Variants in PCDHA9 observed in about 807,000 individuals in gnomAD.
The protein encoded by PCDHA9 is protocadherin alpha-9.
Under a neutral mutation model 62.0 loss-of-function variants are expected in PCDHA9, and 62 were observed. That is an observed-to-expected ratio of 1.00 (90% confidence interval 0.81 to 1.23). The LOEUF (loss-of-function observed/expected upper bound fraction) is 1.23. PCDHA9 is among the 50% of genes most tolerant of loss of function. PCDHA9 has a pLI of 0.00. For synonymous variants in PCDHA9, 557 were observed against 567.6 expected (o/e 0.98, Z 0.27); for missense variants, 1,205 against 1,249.8 (o/e 0.96, Z 0.54).
Position 140,871,139 on chromosome 5 carries a change from C to T in PCDHA9, c.2394+20250C>T, listed in dbSNP as rs782085001. 8 of 1,613,312 alleles carry T rather than the reference C, an allele frequency of 5.0e-6. No individual in the cohort carries two copies. The African/African-American group carries it at 6.7e-5, about 13-fold the overall frequency. On this transcript the variant is annotated intron_variant, in intron 1 of 3. Coordinates refer to ENST00000532602, the MANE Select transcript of PCDHA9 (RefSeq NM_031857.2). ...AGCGGACAGGCGCCAAAGGCCTCTTCCCGGACTTTGGCGGGCGCCGCGAGC... is the reference window on the plus strand; with the variant it reads ...AGCGGACAGGCGCCAAAGGCCTCTTTCCGGACTTTGGCGGGCGCCGCGAGC...
At chr5:140,875,438 T>C (rs1554167643) in intron 1 of PCDHA9, 1 of 1,568,134 alleles carries the variant, frequency 6.4e-7, no homozygotes, top group Non-Finnish European at 8.6e-7. Flanking sequence ...CCCTTAAAAC[T>C]GATTGTCCCA....
Position 140,941,319 on chromosome 5 carries a change from C to CT in PCDHA9, c.2395-37615dup, listed in dbSNP as rs70988781. On this transcript the variant is annotated intron_variant, in intron 1 of 3. Transcript: ENST00000532602. Reference sequence around the variant, plus strand: ...TTCTTTCTTTCTTTTTCTTCTTTCTCTTTTTTTTTTTTTTTCAGATGGAGT... The same window carrying CT: ...TTCTTTCTTTCTTTTTCTTCTTTCTCTTTTTTTTTTTTTTTTCAGATGGAGT... Among the ~76,000 whole-genome samples the CT allele has an allele frequency of 1.3e-3, 140 of 104,384 alleles. 3 individuals are homozygous for CT. The highest frequency in any genetic ancestry group is 2.9e-3 in the South Asian group (9 of 3,126). The allele number at this position is 104,384 out of a possible 152,430, so 68.5% of individuals were successfully genotyped here.
intron 1 of PCDHA9, among the ~76,000 whole-genome samples, chr5:140,965,764 A>G (rs2095932618): frequency 6.6e-6 from 1 of 152,258 alleles, no homozygotes; most frequent in Non-Finnish European, 1.5e-5. Flanking sequence ...AATGGGTCAA[A>G]TAATAGATTT....
intron 1 of PCDHA9, among the ~76,000 whole-genome samples, chr5:140,873,090 T>G (rs540850056): frequency 6.6e-6 from 1 of 152,198 alleles, no homozygotes; most frequent in Non-Finnish European, 1.5e-5. Context: ...CCCCCCCGTA[T>G]AGAGGCATAA....
rs2098421681 is a variant in PCDHA9, at chr5:141,011,735, A to C, written c.*1798A>C. 1 of 153,882 alleles carries C rather than the reference A, an allele frequency of 6.5e-6. No individual in the cohort carries two copies. Among genetic ancestry groups the C allele is most frequent in the South Asian group, 2.1e-4 (1 of 4,828 alleles). 9.5% of individuals were successfully genotyped at this position (153,882 alleles called of 1,614,324 possible). A position where few individuals can be genotyped will look rare whatever the true frequency, so the allele number is the denominator to read the frequency against. ...TATTCCATGAGGGTGTGCAAGCACA[A>C]ATTTTACCAATCTGACCTCTTTGAA... On this transcript the variant is annotated 3_prime_UTR_variant, in exon 4 of 4. Transcript: ENST00000532602.
chr5:140,900,831 T>G (rs1554189475), intron 1 of PCDHA9, among the ~76,000 whole-genome samples: 1 of 152,198 alleles, frequency 6.6e-6, no homozygotes, highest in Non-Finnish European at 1.5e-5. Context: ...CCACCAACAA[T>G]GTACAAAGTT....
intron 1 of PCDHA9, among the ~76,000 whole-genome samples, chr5:140,970,048 G>T (rs561588022): frequency 6.6e-6 from 1 of 152,296 alleles, no homozygotes; most frequent in African/African-American, 2.4e-5. Flanking sequence ...TTGTCTGGTT[G>T]GTCCAGGGAG....
At position 140,984,181 on chromosome 5, in the gene PCDHA9, C is replaced by T. The variant is rs995252456; in HGVS notation, c.2542+1618C>T. Among the ~76,000 whole-genome samples, 5 of 152,210 alleles carry T rather than the reference C, an allele frequency of 3.3e-5. No individual in the cohort carries two copies. In the East Asian group the frequency reaches 9.6e-4, roughly 29 times the overall value. Reference sequence around the variant, plus strand: ...ACTTCCCAAAGAAGCCACGTGAAATCATGACTTTCTACCTTGCCTTTATTT... The same window carrying T: ...ACTTCCCAAAGAAGCCACGTGAAATTATGACTTTCTACCTTGCCTTTATTT... On this transcript the variant is annotated intron_variant, in intron 3 of 3. Coordinates refer to ENST00000532602, the MANE Select transcript of PCDHA9 (RefSeq NM_031857.2).
intron 3 of PCDHA9, among the ~76,000 whole-genome samples, chr5:141,003,860 G>T (rs1224171720): frequency 6.6e-6 from 1 of 152,136 alleles, no homozygotes; most frequent in African/African-American, 2.4e-5. Flanking sequence ...ATTTATATGT[G>T]TCTGAAATCC....
intron 1 of PCDHA9, among the ~76,000 whole-genome samples, chr5:140,874,298 G>T (rs887601408): frequency 1.3e-5 from 2 of 152,114 alleles, no homozygotes; most frequent in African/African-American, 2.4e-5. Context: ...ATGTGTACTT[G>T]TTCACAATGA....
intron 1 of PCDHA9, among the ~76,000 whole-genome samples, chr5:140,934,783 A>C (rs2090034582): frequency 6.6e-6 from 1 of 152,180 alleles, no homozygotes; most frequent in Non-Finnish European, 1.5e-5. Context: ...GGCCCAATCC[A>C]TGTCAATTAT....
chr5:140,874,465 T>C (rs1554167224), intron 1 of PCDHA9, among the ~76,000 whole-genome samples: 1 of 152,184 alleles, frequency 6.6e-6, no homozygotes. Flanking sequence ...TAGGGGAAGA[T>C]TTAGAGAAAA....
At chr5:140,983,807 G>GT (rs1418454252) in intron 3 of PCDHA9, among the ~76,000 whole-genome samples, 1 of 152,100 alleles carries the variant, frequency 6.6e-6, no homozygotes, top group East Asian at 1.9e-4. Flanking sequence ...TGTGTAAAAG[G>GT]TTTTTTCCCA....
chr5:140,941,647 C>T (rs1435033243), intron 1 of PCDHA9, among the ~76,000 whole-genome samples: 2 of 152,002 alleles, frequency 1.3e-5, no homozygotes, highest in South Asian at 2.1e-4. Flanking sequence ...CTTCCTACAA[C>T]TTATGTCCAA....
At chr5:140,927,201 C>T (rs1330352185) in intron 1 of PCDHA9, 7 of 1,614,032 alleles carry the variant, frequency 4.3e-6, no homozygotes, top group Non-Finnish European at 5.1e-6. Flanking sequence ...TGCTCGAGGA[C>T]CCGCTGGAGC....
chr5:140,962,329 T>A (rs1341757607), intron 1 of PCDHA9, among the ~76,000 whole-genome samples: 1 of 152,250 alleles, frequency 6.6e-6, no homozygotes, highest in Non-Finnish European at 1.5e-5. Context: ...TTGAGAATAC[T>A]GATAAAGAAG....
chr5:140,875,349 C>T lies in PCDHA9; in HGVS notation c.2394+24460C>T, dbSNP rs113418307. The T allele has an allele frequency of 9.7e-4, 1,402 of 1,444,894 alleles. 9 individuals carry two copies. In the African/African-American group the frequency reaches 0.018, roughly 18 times the overall value. 89.5% of individuals were successfully genotyped at this position (1,444,894 alleles called of 1,614,324 possible). A position where few individuals can be genotyped will look rare whatever the true frequency, so the allele number is the denominator to read the frequency against. ...CGGAATAGGATCGACTCCATAATGA[C>T]TGTGATGCTGGAAAAAATTTACTAA... On this transcript the variant is annotated intron_variant, in intron 1 of 3. Coordinates refer to ENST00000532602, the MANE Select transcript of PCDHA9 (RefSeq NM_031857.2).
At chr5:140,971,895 T>C (rs1554233682) in intron 1 of PCDHA9, among the ~76,000 whole-genome samples, 2 of 151,872 alleles carry the variant, frequency 1.3e-5, no homozygotes, top group Non-Finnish European at 2.9e-5. Context: ...TCAGGGAGGT[T>C]AGGTAATCTA....
At chr5:140,893,570 G>A (rs1583135271) in intron 1 of PCDHA9, among the ~76,000 whole-genome samples, 1 of 152,154 alleles carries the variant, frequency 6.6e-6, no homozygotes, top group African/African-American at 2.4e-5. Context: ...TACTTCCTCA[G>A]TTTTTGCTTG....
Sources: allele counts gnomAD v4.1 joint callset (sites outside exome capture counted in the v4.1 genomes callset), GRCh38; gene constraint gnomAD v4.1.1; transcripts MANE v1.5; gene names NCBI Gene and HGNC (gene_info 2026-07-23, HGNC 2026-07-21).